Variants in EPC2 observed in about 807,000 individuals in gnomAD.
The protein encoded by EPC2 is enhancer of polycomb homolog 2.
Under a neutral mutation model 92.1 loss-of-function variants are expected in EPC2, and 14 were observed. The ratio of observed to expected loss-of-function variants is 0.15; its 90% CI spans 0.10 to 0.24. The LOEUF (loss-of-function observed/expected upper bound fraction) is 0.24, where lower values mean the gene tolerates loss of function less well. Ranked by LOEUF, EPC2 falls within the 10% of genes least tolerant of loss-of-function variation. The probability of loss-of-function intolerance (pLI) is 1.00; values close to 1 mark genes in which losing one functional copy is unlikely to be tolerated. For missense variants in EPC2, 755 were observed against 971.5 expected (o/e 0.78, Z 2.96); for synonymous variants, 340 against 334.7 (o/e 1.02, Z -0.17).
chr2:148,682,127 G>A (rs1681411545), intron 1 of EPC2, among the ~76,000 whole-genome samples: 1 of 152,204 alleles, frequency 6.6e-6, no homozygotes, highest in African/African-American at 2.4e-5. Context: ...GTCATTCATG[G>A]ACATTTGGGT....
chr2:148,725,075 A>G (rs141708860), intron 2 of EPC2, among the ~76,000 whole-genome samples: 135 of 152,188 alleles, frequency 8.9e-4, no homozygotes, highest in African/African-American at 3.1e-3. Flanking sequence ...TGAATTTTCT[A>G]ATTTTTTGGA....
chr2:148,737,291 C>A (rs529345524), intron 2 of EPC2, among the ~76,000 whole-genome samples: 1 of 151,848 alleles, frequency 6.6e-6, no homozygotes, highest in Non-Finnish European at 1.5e-5. Flanking sequence ...TTTTTCAACA[C>A]GTTATTTCAT....
intron 2 of EPC2, among the ~76,000 whole-genome samples, chr2:148,741,662 A>G (rs910182662): frequency 6.6e-5 from 10 of 152,028 alleles, no homozygotes; most frequent in Admixed American, 5.9e-4. Context: ...TATATAACCA[A>G]CCTGTTGGTT....
At chr2:148,686,427 A>T (rs1574581955) in intron 1 of EPC2, among the ~76,000 whole-genome samples, 1 of 152,214 alleles carries the variant, frequency 6.6e-6, no homozygotes, top group Non-Finnish European at 1.5e-5. Flanking sequence ...AAAGTCATCC[A>T]TGAGGATTAG....
chr2:148,783,541 T>C (rs570090328), intron 11 of EPC2, 56 bp from the exon 12 acceptor site: 1 of 1,523,942 alleles, frequency 6.6e-7, no homozygotes, highest in African/African-American at 1.4e-5. Context: ...CATCCCTTAA[T>C]ATGTTCATAA....
At chr2:148,729,177 A>G (rs529476181) in intron 2 of EPC2, among the ~76,000 whole-genome samples, 150 of 152,278 alleles carry the variant, frequency 9.9e-4, no homozygotes, top group African/African-American at 3.5e-3. Flanking sequence ...GAAGTTGCCA[A>G]ATCACTCTGT....
At chr2:148,743,601 G>A (rs1346837679) in intron 2 of EPC2, 21 bp from the exon 3 acceptor site, 1 of 1,515,106 alleles carries the variant, frequency 6.6e-7, no homozygotes, top group East Asian at 2.4e-5. Context: ...TGAGTTTGAA[G>A]AATTTTTCTT....
rs911996913 is a variant in EPC2 at position 148,668,356 on chromosome 2, G to A, written c.154-21858G>A. Among the ~76,000 whole-genome samples, 3 of 152,078 alleles carry A rather than the reference G, an allele frequency of 2.0e-5. No individual in the cohort carries two copies. In the East Asian group the frequency reaches 5.8e-4, roughly 29 times the overall value. On this transcript the variant is annotated intron_variant, in intron 1 of 13. Transcript: ENST00000258484. ...TCTATTTGCTACATTTTTGTTTAGAGTGATTGCATTTCAGTTCATAAATAC... is the reference window on the plus strand; with the variant it reads ...TCTATTTGCTACATTTTTGTTTAGAATGATTGCATTTCAGTTCATAAATAC...
intron 1 of EPC2, among the ~76,000 whole-genome samples, chr2:148,686,231 A>T (rs1681520913): frequency 1.3e-5 from 2 of 152,200 alleles, no homozygotes; most frequent in Admixed American, 6.5e-5. Flanking sequence ...ACCTGCAGTA[A>T]ATTCCATCTC....
chr2:148,674,569 C>T (rs1418135099), intron 1 of EPC2, among the ~76,000 whole-genome samples: 1 of 152,210 alleles, frequency 6.6e-6, no homozygotes, highest in Admixed American at 6.5e-5. Context: ...ATTCTGTTCT[C>T]AGTGGACCCC....
At chr2:148,666,208 A>G (rs1681052907) in intron 1 of EPC2, among the ~76,000 whole-genome samples, 1 of 152,162 alleles carries the variant, frequency 6.6e-6, no homozygotes. Flanking sequence ...TGGCATGATC[A>G]TGGCTTACTG....
At chr2:148,750,980 A>G (rs1683073436) in intron 3 of EPC2, among the ~76,000 whole-genome samples, 1 of 152,092 alleles carries the variant, frequency 6.6e-6, no homozygotes, top group African/African-American at 2.4e-5. Flanking sequence ...TATTACAGTA[A>G]TGCTCAGTTC....
At chr2:148,786,264 G>C in intron 13 of EPC2, 41 bp from the exon 14 acceptor site, 1 of 1,448,648 alleles carries the variant, frequency 6.9e-7, no homozygotes, top group Non-Finnish European at 9.6e-7. Context: ...ATGTTCTAGA[G>C]AGTATTGATA....
intron 1 of EPC2, among the ~76,000 whole-genome samples, chr2:148,667,496 AC>A (rs1334582773): frequency 6.6e-6 from 1 of 151,974 alleles, no homozygotes; most frequent in African/African-American, 2.4e-5. Context: ...ATATTACTAA[AC>A]TCACTTATTC....
At chr2:148,724,499 C>T (rs1444665916) in intron 2 of EPC2, among the ~76,000 whole-genome samples, 1 of 151,982 alleles carries the variant, frequency 6.6e-6, no homozygotes, top group Admixed American at 6.6e-5. Flanking sequence ...CTCGTTTTAT[C>T]TTCACCTCAA....
chr2:148,755,946 A>G (rs1261075392), intron 4 of EPC2, among the ~76,000 whole-genome samples: 1 of 152,226 alleles, frequency 6.6e-6, no homozygotes, highest in Non-Finnish European at 1.5e-5. Flanking sequence ...AATTTCAGAT[A>G]TATTGCAAAA....
At chr2:148,726,687 CCTGT>C (rs1392446970) in intron 2 of EPC2, among the ~76,000 whole-genome samples, 1 of 149,782 alleles carries the variant, frequency 6.7e-6, no homozygotes, top group Non-Finnish European at 1.5e-5. Flanking sequence ...TCTTTGAAGA[CCTGT>C]CTCTTTAGAT....
chr2:148,702,108 T>C (rs957148393), intron 2 of EPC2, among the ~76,000 whole-genome samples: 4 of 152,108 alleles, frequency 2.6e-5, no homozygotes, highest in African/African-American at 7.2e-5. Context: ...TTTTTTTTTC[T>C]TAGAGATTAT....
intron 2 of EPC2, among the ~76,000 whole-genome samples, chr2:148,735,019 G>A (rs1031158319): frequency 5.9e-5 from 9 of 151,426 alleles, no homozygotes; most frequent in South Asian, 2.1e-4. Context: ...CATAGTTTCC[G>A]TTTCATAAAT....
Sources: allele counts gnomAD v4.1 joint callset (sites outside exome capture counted in the v4.1 genomes callset), GRCh38; gene constraint gnomAD v4.1.1; transcripts MANE v1.5; gene names NCBI Gene and HGNC (gene_info 2026-07-23, HGNC 2026-07-21).